The following DNPH1 variants were observed in gnomAD, a reference collection of about 807,000 sequenced individuals.
DNPH1 encodes 5-hydroxymethyl-dUMP N-hydrolase.
Under a neutral mutation model 15.7 loss-of-function variants are expected in DNPH1, and 18 were observed. That is an observed-to-expected ratio of 1.15 (90% CI 0.79 to 1.70). The LOEUF (loss-of-function observed/expected upper bound fraction) is 1.70, where lower values mean the gene tolerates loss of function less well. DNPH1 is among the 40% of genes most tolerant of loss of function. DNPH1 has a pLI of 0.00. For missense variants in DNPH1, 262 were observed against 255.2 expected, an observed-to-expected ratio of 1.03 and a Z score of -0.18; for synonymous variants, 114 against 107.9, an observed-to-expected ratio of 1.06 and a Z score of -0.35.
rs745866463 is a variant in DNPH1, at chr6:43,225,760, C to T, written c.498G>A (p.Val166=). 1.9e-6 allele frequency: 3 copies of T among 1,614,166 alleles called. No individual in the cohort carries two copies. The highest frequency in any genetic ancestry group is 2.5e-6 in the Non-Finnish European group (3 of 1,180,032). Residue 166 remains valine, a synonymous_variant, in exon 4 of 4, where the codon GTG becomes GTA. Transcript: ENST00000230431. ...RYFEADPPGQ[V]AASPDPTT ...AAGTGGTTGGGTCAGGGGAGGCAGCCACCTGCCCTGGAGGATCAGCCTCGA... is the reference window on the plus strand; with the variant it reads ...AAGTGGTTGGGTCAGGGGAGGCAGCTACCTGCCCTGGAGGATCAGCCTCGA...
At chr6:43,228,318 GGT>G (rs147588767) in intron 1 of DNPH1, among the ~76,000 whole-genome samples, 3,306 of 152,122 alleles carry the variant, frequency 0.022, 49 homozygotes, top group African/African-American at 0.053. Context: ...AGCCAGGCAT[GGT>G]GTCGTGCCCC....
chr6:43,229,102 C>G (rs1282103353), intron 1 of DNPH1, 159 bp downstream of exon 1: 2 of 780,592 alleles, frequency 2.6e-6, no homozygotes, highest in Admixed American at 5.0e-5. Flanking sequence ...CCGTTTCCTT[C>G]TCGGGCTGGG....
chr6:43,229,299 A>T lies in DNPH1; in HGVS notation c.158T>A (p.Leu53His), dbSNP rs1426190334. Residue 53 changes from leucine to histidine, a missense_variant, in exon 1 of 4, where the codon CTC becomes CAC. Physicochemically the swap from Leu to His is moderately conservative, Grantham distance 99. Coordinates refer to ENST00000230431, the MANE Select transcript of DNPH1 (RefSeq NM_006443.3). The part of the protein sequence containing the change: ...VSRLRRFGTV[L>H]TEHVAAAELG... ...CTCGGCGGCCGCCACGTGCTCGGTG[A>T]GCACTGTCCCGAATCGCCGCAGCCG... is the stretch of plus-strand genomic sequence containing the variant. 3 of 1,469,084 alleles carry T rather than the reference A, an allele frequency of 2.0e-6. No individual in the cohort carries two copies. The highest frequency in any genetic ancestry group is 1.3e-5 in the South Asian group (1 of 76,516). The allele number at this position is 1,469,084 out of a possible 1,614,324, so 91.0% of individuals were successfully genotyped here.
Position 43,229,266 on chromosome 6 carries a change from G to A in DNPH1, c.191C>T (p.Ala64Val), listed in dbSNP as rs990298957. ...TEHVAAAELG[A>V]RGEEAAGGDR... Reference sequence around the variant, plus strand: ...CCGCGGCCCCAGGGCCTCACCGCGCGCGCCCAGCTCGGCGGCCGCCACGTG... The same window carrying A: ...CCGCGGCCCCAGGGCCTCACCGCGCACGCCCAGCTCGGCGGCCGCCACGTG... Residue 64 changes from alanine (A) to valine (V), a missense_variant, in exon 1 of 4, where the codon GCG becomes GTG. By Grantham distance (64) the Ala-to-Val change is moderately conservative. Coordinates refer to ENST00000230431, the MANE Select transcript of DNPH1 (RefSeq NM_006443.3). 2.8e-6 allele frequency: 4 copies of A among 1,422,744 alleles called. No individual in the cohort carries two copies. The highest frequency in any genetic ancestry group is 1.5e-5 in the African/African-American group (1 of 67,406). 88.1% of individuals were successfully genotyped at this position (1,422,744 alleles called of 1,614,324 possible). A position where few individuals can be genotyped will look rare whatever the true frequency, so the allele number is the denominator to read the frequency against.
Position 43,229,420 on chromosome 6 carries a change from A to T in DNPH1, c.37T>A (p.Trp13Arg), listed in dbSNP as rs766889690. 1.4e-6 allele frequency: 2 copies of T among 1,413,050 alleles called. No homozygotes were observed. Among genetic ancestry groups the T allele is most frequent in the Non-Finnish European group, 1.9e-6 (2 of 1,079,710 alleles). The allele number at this position is 1,413,050 out of a possible 1,614,324, so 87.5% of individuals were successfully genotyped here. ...AAMVPGRSES[W>R]ERGEPGRPAL... ...GGGCGGCCAGGCTCCCCGCGCTCCC[A>T]GCTCTCGCTGCGCCCCGGCACCATG... The change falls in exon 1 of 4, where the codon TGG becomes AGG. Residue 13 changes from tryptophan (W) to arginine (R), a missense_variant. Physicochemically the swap from Trp to Arg is moderately radical, Grantham distance 101. Coordinates refer to ENST00000230431, the MANE Select transcript of DNPH1 (RefSeq NM_006443.3).
At chr6:43,229,173 G>T in intron 1 of DNPH1, 88 bp downstream of exon 1, 1 of 1,244,848 alleles carries the variant, frequency 8.0e-7, no homozygotes, top group Non-Finnish European at 1.0e-6. Flanking sequence ...GCAGCTGCCG[G>T]GGGTCGGGGG....
intron 1 of DNPH1, among the ~76,000 whole-genome samples, chr6:43,227,843 A>G (rs1776765890): frequency 6.6e-6 from 1 of 151,978 alleles, no homozygotes; most frequent in South Asian, 2.1e-4. Context: ...TAATCCCAAC[A>G]CTTTGGGAGG....
Position 43,226,480 on chromosome 6 carries a change from G to C in DNPH1, c.197-85C>G. ...GCCCTTGTATGTCCATACCCACCCT[G>C]CTCAGGGAGGGTGGGAGCCTTGTGC... On this transcript the variant is annotated intron_variant, in intron 1 of 3. Transcript: ENST00000230431. This position sits in a 1 kb window ranked among gnomAD's most constrained non-coding sequence, Gnocchi z 4.1. 1.6e-6 allele frequency: 2 copies of C among 1,238,422 alleles called. No homozygotes were observed. Among genetic ancestry groups the C allele is most frequent in the Non-Finnish European group, 2.2e-6 (2 of 900,832 alleles). The allele number at this position is 1,238,422 out of a possible 1,614,324, so 76.7% of individuals were successfully genotyped here.
rs1776728533 is a variant in DNPH1 at position 43,226,082 on chromosome 6, C to T, written c.327G>A (p.Val109=). 6.2e-7 allele frequency: 1 copy of T among 1,613,598 alleles called. No individual in the cohort carries two copies. Among genetic ancestry groups the T allele is most frequent in the Non-Finnish European group, 8.5e-7 (1 of 1,180,000 alleles). ...GGCACAGGATCCGCTTGTTAAAGGC[C>T]ACGGCCCGGCCCAGCTCATAGCCTA... ...LGVGYELGRA[V]AFNKRILCLF... is the part of the protein sequence containing the mutation. Residue 109 remains valine (V), a synonymous_variant, in exon 3 of 4, where the codon GTG becomes GTA. Coordinates refer to ENST00000230431, the MANE Select transcript of DNPH1 (RefSeq NM_006443.3). The surrounding 1 kb of genome is among the most constrained non-coding windows in gnomAD (Gnocchi z 4.1).
At chr6:43,227,125 T>C (rs1776754689) in intron 1 of DNPH1, among the ~76,000 whole-genome samples, 1 of 135,490 alleles carries the variant, frequency 7.4e-6, no homozygotes, top group Non-Finnish European at 1.6e-5. Context: ...CAAGAAAAAG[T>C]ACAGATTCGG....
intron 1 of DNPH1, among the ~76,000 whole-genome samples, chr6:43,227,704 T>C (rs559292457): frequency 1.3e-5 from 2 of 151,842 alleles, no homozygotes; most frequent in South Asian, 4.2e-4. Context: ...GGAAACCACT[T>C]AAGGTTTTCT....
In DNPH1 at chr6:43,225,749, G is replaced by T. The variant is rs757388720; in HGVS notation, c.509C>A (p.Pro170His). Residue 170 changes from proline to histidine, a missense_variant, in exon 4 of 4, where the codon CCT becomes CAT. Physicochemically the swap from Pro to His is moderately conservative, Grantham distance 77. Coordinates refer to ENST00000230431, the MANE Select transcript of DNPH1 (RefSeq NM_006443.3). ...ADPPGQVAAS[P>H]DPTT ...GAGATTAAGTCAAGTGGTTGGGTCA[G>T]GGGAGGCAGCCACCTGCCCTGGAGG... 1 of 1,614,106 alleles carries T rather than the reference G, an allele frequency of 6.2e-7. No individual in the cohort carries two copies. Among genetic ancestry groups the T allele is most frequent in the South Asian group, 1.1e-5 (1 of 91,088 alleles).
At chr6:43,228,449 T>C (rs562370082) in intron 1 of DNPH1, among the ~76,000 whole-genome samples, 41 of 150,686 alleles carry the variant, frequency 2.7e-4, no homozygotes, top group Non-Finnish European at 5.5e-4. Flanking sequence ...GGCCCTTGTA[T>C]CAACAAAACA....
In DNPH1 at chr6:43,226,036, G is replaced by A. The variant is rs551858852; in HGVS notation, c.373C>T (p.Arg125Cys). Residue 125 changes from arginine to cysteine, a missense_variant, in exon 3 of 4, where the codon CGC (arginine) becomes TGC (cysteine). Arg to Cys is a radical substitution (Grantham distance 180). Coordinates refer to ENST00000230431, the MANE Select transcript of DNPH1 (RefSeq NM_006443.3). This position sits in a 1 kb window ranked among gnomAD's most constrained non-coding sequence, Gnocchi z 4.1. Reference protein sequence around the residue: ...ILCLFRPQSGRVLSAMIRGAA... With the variant: ...ILCLFRPQSGCVLSAMIRGAA... ...GAGGGAGGCTTGGGGTGCTCACCGC[G>A]GCCAGACTGCGGGCGGAACAGGCAC... 4.3e-6 allele frequency: 7 copies of A among 1,613,846 alleles called. No individual in the cohort carries two copies. The highest frequency in any genetic ancestry group is 1.7e-4 in the Middle Eastern group (1 of 6,060).
In DNPH1 at chr6:43,228,342, C is replaced by A. The variant is rs142813589; in HGVS notation, c.196+919G>T. ...TGGTGTCGTGCCCCTGCAGTCCTTG[C>A]TAATAGGAGGCTGAGGCTGGAGGAT... On this transcript the variant is annotated intron_variant, in intron 1 of 3. Transcript: ENST00000230431. 3.7e-3 allele frequency among the ~76,000 whole-genome samples: 560 copies of A among 152,046 alleles called. 5 individuals are homozygous for A. The highest frequency in any genetic ancestry group is 0.013 in the African/African-American group (534 of 41,468).
Position 43,226,538 on chromosome 6 carries a change from A to G in DNPH1, c.197-143T>C, listed in dbSNP as rs980195274. 6 of 692,478 alleles carry G rather than the reference A, an allele frequency of 8.7e-6. No individual in the cohort carries two copies. Among genetic ancestry groups the G allele is most frequent in the Non-Finnish European group, 1.4e-5 (6 of 424,326 alleles). The allele number at this position is 692,478 out of a possible 1,614,324, so 42.9% of individuals were successfully genotyped here. A position where few individuals can be genotyped will look rare whatever the true frequency, so the allele number is the denominator to read the frequency against. On this transcript the variant is annotated intron_variant, in intron 1 of 3. Coordinates refer to ENST00000230431, the MANE Select transcript of DNPH1 (RefSeq NM_006443.3). The surrounding 1 kb of genome is among the most constrained non-coding windows in gnomAD (Gnocchi z 4.1). Reference sequence around the variant, plus strand: ...CCTGACCAAACATGACAATCTCATCAAAGCAGCGAGGAAATGGAATAGCCA... The same window carrying G: ...CCTGACCAAACATGACAATCTCATCGAAGCAGCGAGGAAATGGAATAGCCA...
intron 1 of DNPH1, among the ~76,000 whole-genome samples, chr6:43,228,254 C>T (rs1023677733): frequency 5.9e-5 from 9 of 151,944 alleles, no homozygotes; most frequent in South Asian, 2.1e-4. Flanking sequence ...GCTAGGAGGT[C>T]GGGACCAGAC....
intron 1 of DNPH1, 98 bp downstream of exon 1, chr6:43,229,163 G>A: frequency 8.3e-7 from 1 of 1,198,260 alleles, no homozygotes; most frequent in South Asian, 1.7e-5. Flanking sequence ...CGCCGGGAGC[G>A]CAGCTGCCGG....
intron 1 of DNPH1, 117 bp downstream of exon 1, chr6:43,229,144 G>A (rs1776784874): frequency 3.7e-6 from 4 of 1,083,896 alleles, no homozygotes; most frequent in Admixed American, 3.5e-5. Flanking sequence ...TAGGAGGGCG[G>A]GCTCCGGGCG....
Sources: allele counts gnomAD v4.1 joint callset (sites outside exome capture counted in the v4.1 genomes callset), GRCh38; gene constraint gnomAD v4.1.1; non-coding constraint Gnocchi (gnomAD v3.1); transcripts MANE v1.5; gene names NCBI Gene and HGNC (gene_info 2026-07-23, HGNC 2026-07-21).